The following IPO11 variants were observed in gnomAD, a reference collection of about 807,000 sequenced individuals.
The protein encoded by IPO11 is importin-11.
In IPO11, 66 loss-of-function variants were observed where a neutral mutation model predicts 143.2. That is an observed-to-expected ratio of 0.46 (90% CI 0.38 to 0.57). The LOEUF is 0.57. Among genes scored for constraint, IPO11 ranks in the 20% least tolerant of loss-of-function variants. The pLI, the probability that IPO11 is intolerant of heterozygous loss-of-function variation, is 0.00. For missense variants in IPO11, 1,026 were observed against 1,141.0 expected, an observed-to-expected ratio of 0.90 and a Z score of 1.45; for synonymous variants, 385 against 377.8, an observed-to-expected ratio of 1.02 and a Z score of -0.22.
chr5:62,517,566 C>A (rs1742069194), intron 20 of IPO11, among the ~76,000 whole-genome samples: 1 of 152,114 alleles, frequency 6.6e-6, no homozygotes, highest in Admixed American at 6.5e-5. Context: ...CCATGCCTGG[C>A]TAATTTTTGT....
intron 1 of IPO11, among the ~76,000 whole-genome samples, chr5:62,436,403 C>T (rs917431645): frequency 6.6e-5 from 10 of 152,210 alleles, no homozygotes; most frequent in African/African-American, 2.4e-4. Context: ...CAACGCTATT[C>T]CCTGTCACCC....
At chr5:62,503,192 G>T (rs1478802376) in intron 16 of IPO11, among the ~76,000 whole-genome samples, 2 of 151,798 alleles carry the variant, frequency 1.3e-5, no homozygotes, top group Non-Finnish European at 2.9e-5. Flanking sequence ...TATTGTACTT[G>T]TATATTCACT....
intron 24 of IPO11, among the ~76,000 whole-genome samples, chr5:62,541,175 C>G (rs1270043444): frequency 6.8e-6 from 1 of 147,014 alleles, no homozygotes; most frequent in Non-Finnish European, 1.5e-5. Context: ...AGTTTGAGAC[C>G]AGCCTGACCA....
chr5:62,485,357 A>C, intron 11 of IPO11, 62 bp from the exon 12 acceptor site: 3 of 1,317,302 alleles, frequency 2.3e-6, no homozygotes, highest in Non-Finnish European at 3.3e-6. Flanking sequence ...TGATGTTATT[A>C]AAATCTTTGT....
intron 5 of IPO11, among the ~76,000 whole-genome samples, chr5:62,463,790 T>C (rs982517125): frequency 2.0e-5 from 3 of 152,004 alleles, no homozygotes; most frequent in Non-Finnish European, 2.9e-5. Context: ...GAAGATAATA[T>C]ATACTGATAT....
chr5:62,474,580 TTC>T, intron 8 of IPO11, 116 bp downstream of exon 8: 1 of 755,066 alleles, frequency 1.3e-6, no homozygotes, highest in South Asian at 1.7e-5. Context: ...CATTAATAGC[TTC>T]TGTTGCACAC....
At chr5:62,508,128 C>G (rs1741620159) in intron 19 of IPO11, among the ~76,000 whole-genome samples, 1 of 151,834 alleles carries the variant, frequency 6.6e-6, no homozygotes, top group African/African-American at 2.4e-5. Flanking sequence ...AAAATGTTAA[C>G]AAATTTTATC....
chr5:62,522,466 G>A (rs915128795), intron 20 of IPO11, among the ~76,000 whole-genome samples: 1 of 152,088 alleles, frequency 6.6e-6, no homozygotes, highest in Admixed American at 6.5e-5. Context: ...TGTATATTTA[G>A]TGGAGACAGT....
At chr5:62,542,872 CT>C (rs1561355602) in intron 24 of IPO11, among the ~76,000 whole-genome samples, 2 of 152,004 alleles carry the variant, frequency 1.3e-5, no homozygotes, top group Non-Finnish European at 2.9e-5. Context: ...AGCCAAGTTT[CT>C]TTTTTTCACT....
At chr5:62,419,192 G>A in intron 1 of IPO11, 1 of 1,503,060 alleles carries the variant, frequency 6.7e-7, no homozygotes, top group Non-Finnish European at 8.9e-7. Flanking sequence ...CAGTGTAGAA[G>A]TAAAAAATGG....
intron 1 of IPO11, among the ~76,000 whole-genome samples, chr5:62,427,211 A>T (rs1005201644): frequency 6.6e-6 from 1 of 151,854 alleles, no homozygotes; most frequent in Admixed American, 6.6e-5. Context: ...AAGTGCTGGG[A>T]TTACACACGT....
rs1181972652 is a variant in IPO11 at position 62,424,144 on chromosome 5, T to C, written c.-7+11215T>C. Among the ~76,000 whole-genome samples, 49 of 151,010 alleles carry C rather than the reference T, an allele frequency of 3.2e-4. No homozygotes were observed. In the Admixed American group the frequency reaches 3.2e-3, roughly 10 times the overall value. On this transcript the variant is annotated intron_variant, in intron 1 of 29. Coordinates refer to ENST00000325324, the MANE Select transcript of IPO11 (RefSeq NM_016338.5). ...AGTCATCCTCCCACCTCAGCTTTTT[T>C]TTTTTTGTTTTTTGAGATGGAGTCT...
chr5:62,604,488 G>A (rs1283248510), intron 29 of IPO11, among the ~76,000 whole-genome samples: 1 of 152,152 alleles, frequency 6.6e-6, no homozygotes, highest in Non-Finnish European at 1.5e-5. Context: ...TGGGATTGCA[G>A]GTGTGAGCCA....
At chr5:62,506,177 A>G (rs908509163) in intron 18 of IPO11, 64 bp from the exon 19 acceptor site, 80 of 788,090 alleles carry the variant, frequency 1.0e-4, no homozygotes, top group Admixed American at 9.7e-4. Context: ...TTCTGTTCGT[A>G]TGAATGTAGA....
At chr5:62,427,699 T>C (rs1359487317) in intron 1 of IPO11, among the ~76,000 whole-genome samples, 1 of 152,232 alleles carries the variant, frequency 6.6e-6, no homozygotes, top group Non-Finnish European at 1.5e-5. Context: ...CCTGATGATC[T>C]GTGGTGGAAC....
intron 16 of IPO11, among the ~76,000 whole-genome samples, chr5:62,495,304 T>C (rs937205482): frequency 3.5e-4 from 53 of 152,354 alleles, no homozygotes; most frequent in African/African-American, 1.2e-3. Context: ...AATTTTCTTC[T>C]GTAATAACTT....
intron 16 of IPO11, 147 bp from the exon 17 acceptor site, chr5:62,504,520 T>A: frequency 1.9e-6 from 1 of 533,332 alleles, no homozygotes; most frequent in South Asian, 2.8e-5. Context: ...AAGGAGAGTA[T>A]CCCTTTATTT....
chr5:62,519,910 T>C (rs917266602), intron 20 of IPO11, among the ~76,000 whole-genome samples: 2 of 152,192 alleles, frequency 1.3e-5, no homozygotes, highest in Non-Finnish European at 2.9e-5. Context: ...GTTTACTTGC[T>C]AGCTGTCATC....
intron 12 of IPO11, among the ~76,000 whole-genome samples, 184 bp from the exon 13 acceptor site, chr5:62,487,587 A>G (rs1008938877): frequency 2.0e-5 from 3 of 151,204 alleles, no homozygotes; most frequent in African/African-American, 7.3e-5. Context: ...TTATAATTCG[A>G]TTTTGTTTTC....
Sources: allele counts gnomAD v4.1 joint callset (sites outside exome capture counted in the v4.1 genomes callset), GRCh38; gene constraint gnomAD v4.1.1; transcripts MANE v1.5; gene names NCBI Gene and HGNC (gene_info 2026-07-23, HGNC 2026-07-21).